KHDRBS2: variants seen among roughly 807,000 people sequenced by gnomAD.
KHDRBS2 encodes the protein KH RNA binding domain containing, signal transduction associated 2.
In KHDRBS2, 26 loss-of-function variants were observed where a neutral mutation model predicts 44.3. The ratio of observed to expected loss-of-function variants is 0.59; its 90% CI spans 0.43 to 0.81. The LOEUF is 0.81. Among genes scored for constraint, KHDRBS2 ranks in the 40% least tolerant of loss-of-function variants. The probability of loss-of-function intolerance (pLI) is 0.00; values close to 1 mark genes in which losing one functional copy is unlikely to be tolerated. For synonymous variants in KHDRBS2, 194 were observed against 151.1 expected (o/e 1.28, Z -2.08); for missense variants, 476 against 433.1 (o/e 1.10, Z -0.88).
At chr6:61,859,840 A>G (rs1234351556) in intron 6 of KHDRBS2, among the ~76,000 whole-genome samples, 3 of 152,050 alleles carry the variant, frequency 2.0e-5, no homozygotes, top group Non-Finnish European at 4.4e-5. Flanking sequence ...AAACTGGAAT[A>G]CAGAAGTTTT....
At chr6:61,647,677 C>T in the KHDRBS2 span, among the ~76,000 whole-genome samples, 1,156 of 152,242 alleles carry the variant, frequency 7.6e-3, 13 homozygotes, top group African/African-American at 0.026. Flanking sequence ...TGTATTGCAA[C>T]CAACTTTGTT....
chr6:62,003,423 G>A (rs1307511229), intron 3 of KHDRBS2, among the ~76,000 whole-genome samples: 4 of 151,956 alleles, frequency 2.6e-5, no homozygotes, highest in African/African-American at 4.8e-5. Flanking sequence ...TTCTTGAGAG[G>A]AGAACATCTT....
chr6:61,879,713 T>C (rs1470238991), intron 6 of KHDRBS2, among the ~76,000 whole-genome samples: 1 of 151,934 alleles, frequency 6.6e-6, no homozygotes, highest in Non-Finnish European at 1.5e-5. Flanking sequence ...GCTAACTGTA[T>C]GTACTATATA....
chr6:61,640,133 T>C, the KHDRBS2 span, among the ~76,000 whole-genome samples: 1 of 152,088 alleles, frequency 6.6e-6, no homozygotes. Context: ...TGAATAATTT[T>C]CAAATAACAA....
chr6:61,611,923 A>G, the KHDRBS2 span, among the ~76,000 whole-genome samples: 1 of 152,212 alleles, frequency 6.6e-6, no homozygotes, highest in Non-Finnish European at 1.5e-5. Context: ...AAGTGAGAAC[A>G]TGCAGTATTC....
intron 2 of KHDRBS2, among the ~76,000 whole-genome samples, chr6:62,100,377 A>G (rs975151718): frequency 2.0e-5 from 3 of 152,234 alleles, no homozygotes; most frequent in Non-Finnish European, 4.4e-5. Flanking sequence ...AGGATTCATA[A>G]TATTACATAA....
chr6:62,149,228 G>A (rs1263947560), intron 2 of KHDRBS2, among the ~76,000 whole-genome samples: 1 of 151,980 alleles, frequency 6.6e-6, no homozygotes, highest in African/African-American at 2.4e-5. Flanking sequence ...TCTTTCAATT[G>A]CACTCAAAGT....
At chr6:62,219,069 G>C (rs527476133) in intron 1 of KHDRBS2, among the ~76,000 whole-genome samples, 3 of 151,794 alleles carry the variant, frequency 2.0e-5, no homozygotes, top group African/African-American at 7.2e-5. Flanking sequence ...TGTATTATTT[G>C]GTTGATGAAC....
intron 2 of KHDRBS2, among the ~76,000 whole-genome samples, chr6:62,108,862 C>T (rs533028583): frequency 9.2e-5 from 14 of 151,994 alleles, no homozygotes; most frequent in Admixed American, 2.0e-4. Context: ...AACCAAACAC[C>T]GCATGTTCTC....
chr6:62,238,446 G>C (rs1054057862), intron 1 of KHDRBS2, among the ~76,000 whole-genome samples: 2 of 151,888 alleles, frequency 1.3e-5, no homozygotes, highest in Non-Finnish European at 2.9e-5. Flanking sequence ...ACCTAAACAT[G>C]CTATATTTAA....
At chr6:62,253,681 T>C (rs1159903286) in intron 1 of KHDRBS2, among the ~76,000 whole-genome samples, 1 of 152,022 alleles carries the variant, frequency 6.6e-6, no homozygotes, top group Non-Finnish European at 1.5e-5. Flanking sequence ...TGCAATATAT[T>C]TGTAATGATT....
chr6:62,053,722 A>T (rs1789617053), intron 2 of KHDRBS2, among the ~76,000 whole-genome samples: 1 of 151,964 alleles, frequency 6.6e-6, no homozygotes, highest in African/African-American at 2.4e-5. Context: ...TTGACACTTT[A>T]TTCAGCACCA....
At chr6:62,076,212 C>T (rs189102011) in intron 2 of KHDRBS2, among the ~76,000 whole-genome samples, 2 of 151,990 alleles carry the variant, frequency 1.3e-5, no homozygotes, top group Admixed American at 1.3e-4. Flanking sequence ...CACTATATTG[C>T]ATTAAATTAC....
At chr6:61,884,303 A>G (rs1800610981) in intron 6 of KHDRBS2, among the ~76,000 whole-genome samples, 1 of 152,092 alleles carries the variant, frequency 6.6e-6, no homozygotes, top group Non-Finnish European at 1.5e-5. Context: ...TGCTTTTTAT[A>G]CATTAGGTTA....
chr6:62,008,772 C>T (rs1484074680), intron 3 of KHDRBS2, among the ~76,000 whole-genome samples: 1 of 152,212 alleles, frequency 6.6e-6, no homozygotes, highest in Non-Finnish European at 1.5e-5. Flanking sequence ...AGTTGCTCTG[C>T]ACAAGTTCTC....
At chr6:61,887,315 T>A (rs1177660428) in intron 6 of KHDRBS2, among the ~76,000 whole-genome samples, 1 of 152,224 alleles carries the variant, frequency 6.6e-6, no homozygotes, top group Non-Finnish European at 1.5e-5. Context: ...GTAGAGCTGA[T>A]AATGCTTAAT....
the KHDRBS2 span, among the ~76,000 whole-genome samples, chr6:61,667,007 T>TC: frequency 2.7e-5 from 4 of 150,312 alleles, no homozygotes; most frequent in Admixed American, 1.3e-4. Flanking sequence ...TTTTTTTTTT[T>TC]CTCAAAAGAA....
intron 6 of KHDRBS2, among the ~76,000 whole-genome samples, chr6:61,805,484 A>G (rs1295083836): frequency 2.0e-5 from 3 of 152,092 alleles, no homozygotes; most frequent in Non-Finnish European, 1.5e-5. Context: ...CCACATTTCC[A>G]GATATCTTTA....
intron 4 of KHDRBS2, among the ~76,000 whole-genome samples, chr6:61,911,230 T>C (rs1805995134): frequency 6.6e-6 from 1 of 152,198 alleles, no homozygotes; most frequent in Admixed American, 6.5e-5. Context: ...CAGGGATGCA[T>C]TTAACCTGTT....
Sources: gnomAD v4.1 joint callset for allele counts (sites outside exome capture counted in the v4.1 genomes callset) on GRCh38, gnomAD v4.1.1 for gene constraint, MANE v1.5 for transcripts, NCBI Gene and HGNC (gene_info 2026-07-23, HGNC 2026-07-21) for gene names.